The following VPS54 variants were observed in gnomAD, a reference collection of about 807,000 sequenced individuals.
VPS54 encodes VPS54 subunit of GARP complex, also known as vacuolar protein sorting-associated protein 54.
In VPS54, 45 loss-of-function variants were observed where a neutral mutation model predicts 121.5. The observed-to-expected ratio is 0.37, with a 90% confidence interval of 0.29 to 0.47. The LOEUF (loss-of-function observed/expected upper bound fraction) is 0.47, where lower values mean the gene tolerates loss of function less well. VPS54 is among the 20% of genes least tolerant of loss of function. VPS54 has a pLI of 0.99. For synonymous variants in VPS54, 371 were observed against 385.8 expected, an observed-to-expected ratio of 0.96 and a Z score of 0.45; for missense variants, 1,090 against 1,131.4, an observed-to-expected ratio of 0.96 and a Z score of 0.52.
chr2:63,893,347 T>G lies in VPS54; in HGVS notation c.*83A>C. On this transcript the variant is annotated 3_prime_UTR_variant, in exon 23 of 23. Transcript: ENST00000272322. ...AGTTCACTTTGGGTTTCAGGTTCAA[T>G]TCTCGAATCACAGGCATCCAGATTT... 1 of 1,233,770 alleles carries G rather than the reference T, an allele frequency of 8.1e-7. No individual in the cohort carries two copies. The highest frequency in any genetic ancestry group is 1.7e-5 in the Admixed American group (1 of 59,542). The allele number at this position is 1,233,770 out of a possible 1,614,324, so 76.4% of individuals were successfully genotyped here.
At chr2:63,947,603 C>T (rs948167472) in intron 8 of VPS54, 113 bp from the exon 9 acceptor site, 43 of 937,076 alleles carry the variant, frequency 4.6e-5, no homozygotes, top group Non-Finnish European at 5.0e-5. Context: ...CTATCCTGCA[C>T]AAAGTATTTT....
At chr2:63,926,544 C>CT (rs1673911486) in intron 12 of VPS54, among the ~76,000 whole-genome samples, 1 of 152,126 alleles carries the variant, frequency 6.6e-6, no homozygotes, top group Non-Finnish European at 1.5e-5. Flanking sequence ...AGGAACAGCT[C>CT]TTGTCTACAG....
chr2:64,003,716 CA>C (rs1034601814), intron 1 of VPS54, among the ~76,000 whole-genome samples: 4 of 149,694 alleles, frequency 2.7e-5, no homozygotes, highest in African/African-American at 4.9e-5. Flanking sequence ...TCATCCATTC[CA>C]AAAAAAAAGG....
chr2:63,966,963 T>C (rs895267200), intron 5 of VPS54, among the ~76,000 whole-genome samples: 3 of 152,240 alleles, frequency 2.0e-5, no homozygotes, highest in African/African-American at 7.2e-5. Flanking sequence ...TCGTTGTGCA[T>C]GACATAATGA....
Position 63,975,812 on chromosome 2 carries a change from CCT to C in VPS54, c.379-3570_379-3569del, listed in dbSNP as rs548166603. Among the ~76,000 whole-genome samples, 26 of 152,322 alleles carry C rather than the reference CCT, an allele frequency of 1.7e-4. No individual in the cohort carries two copies. In the South Asian group the frequency reaches 2.1e-3, roughly 12 times the overall value. On this transcript the variant is annotated intron_variant, in intron 3 of 22. Transcript: ENST00000272322. ...ATTATTCATTCTCTATTGAAATTCC[CCT>C]GTCTCAATAAATCAGCTGCCTAGCC...
chr2:63,976,049 G>A (rs1190143959), intron 3 of VPS54, among the ~76,000 whole-genome samples: 2 of 152,168 alleles, frequency 1.3e-5, no homozygotes, highest in African/African-American at 4.8e-5. Flanking sequence ...TCAAGTTAAG[G>A]AAATTTCTTC....
chr2:63,925,417 A>C (rs1233264149), intron 12 of VPS54, among the ~76,000 whole-genome samples: 3 of 152,256 alleles, frequency 2.0e-5, no homozygotes, highest in African/African-American at 7.2e-5. Flanking sequence ...AAACTGCTCC[A>C]CACTTCTGAG....
intron 6 of VPS54, among the ~76,000 whole-genome samples, chr2:63,965,110 T>A (rs1004594999): frequency 6.6e-6 from 1 of 152,154 alleles, no homozygotes; most frequent in Admixed American, 6.5e-5. Context: ...AAAATAATCA[T>A]CCCTAGGTGA....
At chr2:63,906,484 T>C (rs1008382225) in intron 20 of VPS54, among the ~76,000 whole-genome samples, 18 of 152,170 alleles carry the variant, frequency 1.2e-4, no homozygotes, top group Admixed American at 7.8e-4. Context: ...TACTGAAAAA[T>C]ACAAAATTTT....
intron 11 of VPS54, among the ~76,000 whole-genome samples, chr2:63,941,339 C>CCAAG (rs1440389956): frequency 0.027 from 4,127 of 152,210 alleles, 183 homozygotes; most frequent in African/African-American, 0.095. Context: ...ATCATCCCAC[C>CCAAG]TCAGCCACCC....
intron 21 of VPS54, among the ~76,000 whole-genome samples, chr2:63,898,860 C>T (rs1177558730): frequency 1.3e-5 from 2 of 151,800 alleles, no homozygotes; most frequent in Admixed American, 6.6e-5. Flanking sequence ...AGGGCTGTAG[C>T]GGGTAGAGCT....
intron 2 of VPS54, among the ~76,000 whole-genome samples, chr2:63,983,171 G>GA (rs1676877131): frequency 7.0e-6 from 1 of 143,664 alleles, no homozygotes; most frequent in Admixed American, 7.0e-5. Flanking sequence ...TTTTTTTTGA[G>GA]AAACAGTCTC....
At chr2:63,971,907 A>C (rs1676300740) in intron 4 of VPS54, among the ~76,000 whole-genome samples, 1 of 152,132 alleles carries the variant, frequency 6.6e-6, no homozygotes, top group South Asian at 2.1e-4. Flanking sequence ...TGTCTAGCTT[A>C]CTCATCTATT....
At chr2:63,935,021 C>CA (rs1674388352) in intron 11 of VPS54, among the ~76,000 whole-genome samples, 1 of 152,068 alleles carries the variant, frequency 6.6e-6, no homozygotes, top group African/African-American at 2.4e-5. Flanking sequence ...TTCGGGTCTC[C>CA]AAAATCAACA....
At chr2:63,919,343 T>C (rs530740613) in intron 15 of VPS54, among the ~76,000 whole-genome samples, 1 of 152,210 alleles carries the variant, frequency 6.6e-6, no homozygotes, top group South Asian at 2.1e-4. Context: ...TGATTGCTTA[T>C]GTATTTTTTG....
At chr2:63,905,848 G>A (rs1326505713) in intron 20 of VPS54, among the ~76,000 whole-genome samples, 1 of 152,072 alleles carries the variant, frequency 6.6e-6, no homozygotes, top group Non-Finnish European at 1.5e-5. Flanking sequence ...ATCAATGAAG[G>A]TAATTCACCT....
At chr2:63,975,824 A>G (rs1392691400) in intron 3 of VPS54, among the ~76,000 whole-genome samples, 2 of 152,204 alleles carry the variant, frequency 1.3e-5, no homozygotes, top group African/African-American at 4.8e-5. Context: ...TGTCTCAATA[A>G]ATCAGCTGCC....
intron 1 of VPS54, among the ~76,000 whole-genome samples, chr2:63,995,823 G>T (rs1326056660): frequency 6.6e-6 from 1 of 152,212 alleles, no homozygotes; most frequent in Non-Finnish European, 1.5e-5. Context: ...CACCTTCTGG[G>T]TAGGGAAGAT....
At chr2:63,926,479 T>C (rs954489979) in intron 12 of VPS54, among the ~76,000 whole-genome samples, 2 of 152,100 alleles carry the variant, frequency 1.3e-5, no homozygotes, top group Admixed American at 6.6e-5. Flanking sequence ...TCCAGGACCA[T>C]AAGTTGATTT....
Sources: gnomAD v4.1 joint callset for allele counts (sites outside exome capture counted in the v4.1 genomes callset) on GRCh38, gnomAD v4.1.1 for gene constraint, MANE v1.5 for transcripts, NCBI Gene and HGNC (gene_info 2026-07-23, HGNC 2026-07-21) for gene names.